The following OR4N2 variants were observed in gnomAD, a reference collection of about 807,000 sequenced individuals.
OR4N2 encodes the protein olfactory receptor family 4 subfamily N member 2, also known as olfactory receptor 4N2.
For missense variants in OR4N2, 307 were observed against 377.6 expected, an observed-to-expected ratio of 0.81 and a Z score of 1.55; for synonymous variants, 141 against 140.4, an observed-to-expected ratio of 1.00 and a Z score of -0.03.
At position 19,821,374 on chromosome 14, in the gene OR4N2, C is replaced by G. The variant is rs1417977255; in HGVS notation, c.-9-6066C>G. 2.0e-5 allele frequency among the ~76,000 whole-genome samples: 3 copies of G among 152,324 alleles called. No individual in the cohort carries two copies. The East Asian group carries it at 5.8e-4, about 29-fold the overall frequency. ...CTGGGAGTTGCAGACCAGAGTTGCT[C>G]TTATTTGGCCATCTTGCCAGCCACC... is the stretch of plus-strand genomic sequence containing the variant. On this transcript the variant is annotated intron_variant, in intron 1 of 1. Transcript: ENST00000557677.
chr14:19,828,285 T>C lies in OR4N2; in HGVS notation c.837T>C (p.Phe279=), dbSNP rs571217932. The C allele has an allele frequency of 2.5e-6, 4 of 1,614,222 alleles. No homozygotes were observed. The highest frequency in any genetic ancestry group is 4.5e-5 in the East Asian group (2 of 44,890). Residue 279 remains phenylalanine, a synonymous_variant, in exon 2 of 2, where the codon TTT becomes TTC. Coordinates refer to ENST00000557677, the MANE Select transcript of OR4N2 (RefSeq NM_001004723.3). ...TTTCTCTCTTCCACACAGTGATTTT[T>C]CCTTTGTTGAATCCTGTCATTTATA... ...KVVSLFHTVI[F]PLLNPVIYTL...
intron 1 of OR4N2, among the ~76,000 whole-genome samples, chr14:19,826,655 C>T (rs371281209): frequency 3.9e-5 from 6 of 152,312 alleles, no homozygotes; most frequent in South Asian, 4.1e-4. Flanking sequence ...TGTTAAAAGG[C>T]TGTATCTTGG....
chr14:19,823,301 CT>C (rs1235136454), intron 1 of OR4N2, among the ~76,000 whole-genome samples: 1 of 151,930 alleles, frequency 6.6e-6, no homozygotes, highest in Non-Finnish European at 1.5e-5. Flanking sequence ...AAATTAACTT[CT>C]TTTTTTTAAA....
At chr14:19,825,127 T>A (rs1388784767) in intron 1 of OR4N2, among the ~76,000 whole-genome samples, 3 of 152,258 alleles carry the variant, frequency 2.0e-5, no homozygotes, top group Non-Finnish European at 4.4e-5. Flanking sequence ...CCTATTACAA[T>A]TTTGTGTGTG....
At chr14:19,814,840 G>A (rs1398240677) in intron 1 of OR4N2, among the ~76,000 whole-genome samples, 1 of 151,940 alleles carries the variant, frequency 6.6e-6, no homozygotes, top group Non-Finnish European at 1.5e-5. Flanking sequence ...CCCTGTGACA[G>A]GCCCCCATGT....
intron 1 of OR4N2, among the ~76,000 whole-genome samples, chr14:19,807,582 C>T (rs1213171275): frequency 1.9e-5 from 2 of 105,856 alleles, no homozygotes; most frequent in African/African-American, 6.3e-5. Context: ...GAAACAGAAT[C>T]AATAATAAAA....
intron 1 of OR4N2, among the ~76,000 whole-genome samples, chr14:19,807,092 G>GTTA (rs140230325): frequency 6.6e-6 from 1 of 151,258 alleles, no homozygotes; most frequent in Non-Finnish European, 1.5e-5. Flanking sequence ...AAGTAAATAA[G>GTTA]ATAAGAGGAA....
intron 1 of OR4N2, among the ~76,000 whole-genome samples, chr14:19,811,822 A>T (rs1439319664): frequency 6.6e-6 from 1 of 152,282 alleles, no homozygotes; most frequent in Non-Finnish European, 1.5e-5. Flanking sequence ...GGCAATTATG[A>T]AAAACCTATA....
chr14:19,827,378 A>G (rs1765306781), intron 1 of OR4N2, 62 bp from the exon 2 acceptor site: 1 of 1,408,380 alleles, frequency 7.1e-7, no homozygotes, highest in Non-Finnish European at 9.7e-7. Flanking sequence ...TTAGCTGTAT[A>G]ACTAGTATCT....
chr14:19,826,777 TCAAA>T (rs1443616472), intron 1 of OR4N2, among the ~76,000 whole-genome samples: 2 of 152,226 alleles, frequency 1.3e-5, no homozygotes, highest in African/African-American at 2.4e-5. Context: ...GGAGTGGTGC[TCAAA>T]CAGAGTTACA....
intron 1 of OR4N2, among the ~76,000 whole-genome samples, chr14:19,819,680 A>G (rs575533194): frequency 9.9e-4 from 151 of 152,334 alleles, no homozygotes; most frequent in African/African-American, 3.3e-3. Flanking sequence ...TTGGAAGCCT[A>G]CTTCTGTCAA....
rs1329838001 is a variant in OR4N2 at position 19,828,785 on chromosome 14, C to T, written c.*413C>T. 2.8e-5 allele frequency: 5 copies of T among 177,982 alleles called. No individual in the cohort carries two copies. The highest frequency in any genetic ancestry group is 4.8e-5 in the African/African-American group (2 of 41,646). The allele number at this position is 177,982 out of a possible 1,614,324, so 11.0% of individuals were successfully genotyped here. A position where few individuals can be genotyped will look rare whatever the true frequency, so the allele number is the denominator to read the frequency against. ...ACATTTGTGGTTATAGTAATCTAGA[C>T]GGAGGGCACAGGTAGTGCAAAAACT... On this transcript the variant is annotated 3_prime_UTR_variant, in exon 2 of 2. Coordinates refer to ENST00000557677, the MANE Select transcript of OR4N2 (RefSeq NM_001004723.3).
chr14:19,810,430 C>G (rs1879267969), intron 1 of OR4N2, among the ~76,000 whole-genome samples: 1 of 152,226 alleles, frequency 6.6e-6, no homozygotes, highest in Admixed American at 6.5e-5. Flanking sequence ...AGCAGCATGG[C>G]AATTTCTCAA....
intron 1 of OR4N2, among the ~76,000 whole-genome samples, chr14:19,822,715 A>C (rs1017567021): frequency 6.6e-5 from 10 of 152,258 alleles, no homozygotes; most frequent in Non-Finnish European, 1.2e-4. Flanking sequence ...TTTAACATCT[A>C]AATATTTTCA....
chr14:19,809,391 A>T (rs1476052321), intron 1 of OR4N2, among the ~76,000 whole-genome samples: 1 of 152,252 alleles, frequency 6.6e-6, no homozygotes, highest in Non-Finnish European at 1.5e-5. Context: ...TCTGCACAGC[A>T]AAAGAAACTA....
rs148127407 is a variant in OR4N2 at position 19,828,021 on chromosome 14, C to T, written c.573C>T (p.Asp191=). 14 of 1,614,126 alleles carry T rather than the reference C, an allele frequency of 8.7e-6. No individual in the cohort carries two copies. In the African/African-American group the frequency reaches 1.1e-4, roughly 12 times the overall value. ...AGGTCATCAAGCTGGCCTGCACCGA[C>T]ACATTTGTGGTGGAGCTTCTGATGG... ...VPQVIKLACT[D]TFVVELLMVF... Residue 191 remains aspartate (D), a synonymous_variant, in exon 2 of 2, where the codon GAC becomes GAT. Transcript: ENST00000557677.
At chr14:19,813,950 T>TTC (rs57328169) in intron 1 of OR4N2, among the ~76,000 whole-genome samples, 1 of 151,760 alleles carries the variant, frequency 6.6e-6, no homozygotes, top group East Asian at 1.9e-4. Flanking sequence ...TTTTCTGTAC[T>TTC]TCTCTCTCTC....
chr14:19,811,375 T>C (rs1348282508), intron 1 of OR4N2, among the ~76,000 whole-genome samples: 1 of 152,202 alleles, frequency 6.6e-6, no homozygotes, highest in Non-Finnish European at 1.5e-5. Context: ...GCCTCCCAAA[T>C]AGCTGATACT....
chr14:19,817,483 G>T (rs540795057), intron 1 of OR4N2, among the ~76,000 whole-genome samples: 1 of 152,260 alleles, frequency 6.6e-6, no homozygotes, highest in Non-Finnish European at 1.5e-5. Flanking sequence ...TTGTGTAGAG[G>T]TGTTTGTAGT....
Sources: allele counts gnomAD v4.1 joint callset (sites outside exome capture counted in the v4.1 genomes callset), GRCh38; gene constraint gnomAD v4.1.1; transcripts MANE v1.5; gene names NCBI Gene and HGNC (gene_info 2026-07-23, HGNC 2026-07-21).